COG5: variants seen among roughly 807,000 people sequenced by gnomAD.
COG5 encodes conserved oligomeric Golgi complex subunit 5.
Under a neutral mutation model 110.4 loss-of-function variants are expected in COG5, and 86 were observed. The observed-to-expected ratio is 0.78, with a 90% CI of 0.65 to 0.93. COG5 has a LOEUF of 0.93. COG5 is among the 40% of genes least tolerant of loss of function. COG5 has a pLI of 0.00. For synonymous variants in COG5, 360 were observed against 334.6 expected (o/e 1.08, Z -0.83); for missense variants, 1,077 against 987.0 (o/e 1.09, Z -1.22).
At position 107,474,877 on chromosome 7, in the gene COG5, C is replaced by G; in HGVS notation, c.538+52360G>C. 1 of 1,613,106 alleles carries G rather than the reference C, an allele frequency of 6.2e-7. No individual in the cohort carries two copies. Among genetic ancestry groups the G allele is most frequent in the Non-Finnish European group, 8.5e-7 (1 of 1,179,432 alleles). ...ACAACATGAGGCTACAGACATGTCA[C>G]AAAGCAGTGGTGGGAGAAATGTAGT... On this transcript the variant is annotated intron_variant, in intron 6 of 21. Coordinates refer to ENST00000297135, the MANE Select transcript of COG5 (RefSeq NM_006348.5). The surrounding 1 kb of genome is among the most constrained non-coding windows in gnomAD (Gnocchi z 5.7).
At chr7:107,475,153 C>G in intron 6 of COG5, 1 of 1,609,438 alleles carries the variant, frequency 6.2e-7, no homozygotes, top group Non-Finnish European at 8.5e-7. Context: ...ATTTCACCCT[C>G]TATTATATGC....
At chr7:107,433,845 T>C (rs767590948) in intron 6 of COG5, among the ~76,000 whole-genome samples, 1 of 152,140 alleles carries the variant, frequency 6.6e-6, no homozygotes, top group Non-Finnish European at 1.5e-5. Flanking sequence ...AAAATTTCCA[T>C]GTAAATACCA....
At chr7:107,554,037 G>A (rs190141157) in intron 3 of COG5, among the ~76,000 whole-genome samples, 1 of 152,288 alleles carries the variant, frequency 6.6e-6, no homozygotes, top group African/African-American at 2.4e-5. Context: ...GTAAAACAAG[G>A]ATTTGAACCC....
intron 6 of COG5, among the ~76,000 whole-genome samples, chr7:107,436,737 TA>T (rs1794393239): frequency 6.6e-6 from 1 of 152,106 alleles, no homozygotes; most frequent in Non-Finnish European, 1.5e-5. Context: ...AAAATTGAAT[TA>T]AAAGGGGAAT....
chr7:107,394,406 A>AT (rs538965151), intron 7 of COG5, among the ~76,000 whole-genome samples: 159 of 152,080 alleles, frequency 1.0e-3, no homozygotes, highest in Non-Finnish European at 1.9e-3. Context: ...TTATGATGTG[A>AT]TTTTTTTCTT....
chr7:107,224,739 C>T (rs568462171), intron 19 of COG5, among the ~76,000 whole-genome samples: 94 of 152,372 alleles, frequency 6.2e-4, no homozygotes, highest in Non-Finnish European at 1.1e-3. Context: ...TAATGCCATG[C>T]TGCAGAGAGG....
chr7:107,354,745 T>C (rs1812482150), intron 10 of COG5, among the ~76,000 whole-genome samples: 1 of 152,260 alleles, frequency 6.6e-6, no homozygotes, highest in African/African-American at 2.4e-5. Flanking sequence ...AGTCAGTCTC[T>C]GAAATAAGTG....
intron 19 of COG5, among the ~76,000 whole-genome samples, chr7:107,228,776 T>TA (rs555581676): frequency 0.18 from 25,712 of 142,454 alleles, 2,403 homozygotes; most frequent in Non-Finnish European, 0.22. Context: ...GTGTTGCCAT[T>TA]AAAAAAAAAA....
chr7:107,508,661 G>A (rs191219025), intron 6 of COG5, among the ~76,000 whole-genome samples: 79 of 152,282 alleles, frequency 5.2e-4, no homozygotes, highest in African/African-American at 1.9e-3. Context: ...TTACACGGCC[G>A]GGTACTCCTC....
intron 17 of COG5, among the ~76,000 whole-genome samples, chr7:107,240,068 T>A (rs949351336): frequency 1.3e-5 from 2 of 152,234 alleles, no homozygotes; most frequent in African/African-American, 4.8e-5. Context: ...TGAGTCACTT[T>A]ACATGGACTG....
At chr7:107,555,361 T>C (rs1396195468) in intron 2 of COG5, among the ~76,000 whole-genome samples, 2 of 152,228 alleles carry the variant, frequency 1.3e-5, no homozygotes, top group African/African-American at 4.8e-5. Context: ...TCATGTCTAG[T>C]CTGCTGACTG....
intron 6 of COG5, among the ~76,000 whole-genome samples, chr7:107,486,181 T>TA (rs142619236): frequency 6.6e-6 from 1 of 152,262 alleles, no homozygotes; most frequent in East Asian, 1.9e-4. Context: ...TTTCTAGACT[T>TA]ACCAGTATGG....
chr7:107,242,384 G>A (rs190832452), intron 17 of COG5, among the ~76,000 whole-genome samples: 1 of 152,166 alleles, frequency 6.6e-6, no homozygotes, highest in East Asian at 1.9e-4. Flanking sequence ...GACTGGAATG[G>A]GCCCCAAGCA....
chr7:107,338,722 T>C (rs144236587), intron 10 of COG5, among the ~76,000 whole-genome samples: 2 of 152,112 alleles, frequency 1.3e-5, no homozygotes, highest in African/African-American at 4.8e-5. Flanking sequence ...AGCCATATAA[T>C]GGACAATAAG....
intron 10 of COG5, among the ~76,000 whole-genome samples, chr7:107,358,568 G>C (rs1812830926): frequency 6.6e-6 from 1 of 152,190 alleles, no homozygotes; most frequent in Non-Finnish European, 1.5e-5. Context: ...TGCAAGGTTG[G>C]TATTTGGCTA....
At chr7:107,451,928 A>G (rs562694543) in intron 6 of COG5, among the ~76,000 whole-genome samples, 8 of 152,124 alleles carry the variant, frequency 5.3e-5, no homozygotes, top group Non-Finnish European at 2.9e-5. Context: ...TTTTGACTGC[A>G]TGGGGAGTCA....
intron 6 of COG5, among the ~76,000 whole-genome samples, chr7:107,443,056 C>A (rs1343510254): frequency 6.6e-6 from 1 of 152,092 alleles, no homozygotes; most frequent in Non-Finnish European, 1.5e-5. Context: ...AATAAAATTA[C>A]TTCAGAAAAG....
At chr7:107,462,909 AACAGC>A (rs1796086939) in intron 6 of COG5, among the ~76,000 whole-genome samples, 4 of 152,242 alleles carry the variant, frequency 2.6e-5, no homozygotes, top group Non-Finnish European at 5.9e-5. Flanking sequence ...TTAGTCTTCT[AACAGC>A]AGACCTGAAG....
chr7:107,304,756 G>A (rs934797020), intron 11 of COG5, among the ~76,000 whole-genome samples: 66 of 152,140 alleles, frequency 4.3e-4, no homozygotes, highest in African/African-American at 1.3e-3. Context: ...AACTGGCTGC[G>A]GTCTGGCCAA....
Sources: allele counts gnomAD v4.1 joint callset (sites outside exome capture counted in the v4.1 genomes callset), GRCh38; gene constraint gnomAD v4.1.1; non-coding constraint Gnocchi (gnomAD v3.1); transcripts MANE v1.5; gene names NCBI Gene and HGNC (gene_info 2026-07-23, HGNC 2026-07-21).